Variants in SLX9 observed in about 807,000 individuals in gnomAD.
The protein encoded by SLX9 is ribosome biogenesis protein SLX9 homolog.
In SLX9, 19 loss-of-function variants were observed where a neutral mutation model predicts 20.8. The ratio of observed to expected loss-of-function variants is 0.91; its 90% CI spans 0.64 to 1.34. SLX9 has a LOEUF of 1.34. Among genes scored for constraint, SLX9 ranks in the 40% most tolerant of loss-of-function variants. The pLI, the probability that SLX9 is intolerant of heterozygous loss-of-function variation, is 0.00. For synonymous variants in SLX9, 113 were observed against 137.1 expected, an observed-to-expected ratio of 0.82 and a Z score of 1.23; for missense variants, 299 against 322.2, an observed-to-expected ratio of 0.93 and a Z score of 0.55.
Position 44,941,741 on chromosome 21 carries a change from G to C in SLX9, c.129+1555G>C, listed in dbSNP as rs192749488. Among the ~76,000 whole-genome samples the C allele has an allele frequency of 4.6e-5, 7 of 152,310 alleles. No individual in the cohort carries two copies. In the East Asian group the frequency reaches 1.2e-3, roughly 25 times the overall value. ...CATGCGCACAGCCTCCAGACTGCCA[G>C]GGATGCGACCTCCTGGGAGTTGTTC... On this transcript the variant is annotated intron_variant, in intron 1 of 5. Transcript: ENST00000291634.
intron 2 of SLX9, among the ~76,000 whole-genome samples, chr21:44,948,268 G>A (rs1388924751): frequency 2.7e-5 from 4 of 148,908 alleles, no homozygotes; most frequent in East Asian, 2.0e-4. Flanking sequence ...GTGAAGCATC[G>A]GGCGGTCCGG....
chr21:44,964,535 A>G (rs879861963), intron 3 of SLX9, among the ~76,000 whole-genome samples: 16 of 151,954 alleles, frequency 1.1e-4, no homozygotes, highest in African/African-American at 3.9e-4. Flanking sequence ...ATACCTCCCC[A>G]GTGCCCAGGT....
intron 5 of SLX9, among the ~76,000 whole-genome samples, chr21:44,974,200 T>G (rs1361338912): frequency 6.6e-6 from 1 of 152,156 alleles, no homozygotes; most frequent in African/African-American, 2.4e-5. Flanking sequence ...ATTTTTCCTG[T>G]GGTTTGAAAT....
intron 4 of SLX9, among the ~76,000 whole-genome samples, chr21:44,972,628 G>C (rs2085172503): frequency 6.6e-6 from 1 of 152,226 alleles, no homozygotes. Flanking sequence ...TCAGTCATCA[G>C]GAGGGCAGGT....
intron 1 of SLX9, among the ~76,000 whole-genome samples, chr21:44,942,472 C>T (rs1472967718): frequency 6.6e-6 from 1 of 152,184 alleles, no homozygotes; most frequent in Non-Finnish European, 1.5e-5. Flanking sequence ...GGTGAGAGCA[C>T]CTGGGGAGTT....
intron 1 of SLX9, among the ~76,000 whole-genome samples, chr21:44,941,087 C>T (rs1394510279): frequency 6.6e-6 from 1 of 151,796 alleles, no homozygotes; most frequent in African/African-American, 2.4e-5. Context: ...TCCTGTTCCT[C>T]CTCATTTTAA....
intron 2 of SLX9, among the ~76,000 whole-genome samples, chr21:44,949,632 C>T (rs532616900): frequency 6.6e-5 from 10 of 152,350 alleles, no homozygotes; most frequent in Non-Finnish European, 1.3e-4. Flanking sequence ...GCAGCCACTC[C>T]TGCCGCTTCT....
Position 44,971,072 on chromosome 21 carries a change from G to C in SLX9, c.501-2125G>C, listed in dbSNP as rs537594327. Among the ~76,000 whole-genome samples the C allele has an allele frequency of 1.1e-4, 17 of 152,406 alleles. No homozygotes were observed. The East Asian group carries it at 3.3e-3, about 29-fold the overall frequency. Reference sequence around the variant, plus strand: ...TTGACTCCGGTGACCCCCATGCTCTGGACCTCCACCTCCTGTGTGCGCTTT... The same window carrying C: ...TTGACTCCGGTGACCCCCATGCTCTCGACCTCCACCTCCTGTGTGCGCTTT... On this transcript the variant is annotated intron_variant, in intron 4 of 5. Transcript: ENST00000291634.
intron 3 of SLX9, among the ~76,000 whole-genome samples, chr21:44,966,743 G>A (rs8130435): frequency 0.078 from 11,928 of 152,268 alleles, 1,561 homozygotes; most frequent in African/African-American, 0.27. Flanking sequence ...TCCCCTACGC[G>A]TGCTCCGGCC....
At chr21:44,971,549 AC>A (rs1430433132) in intron 4 of SLX9, among the ~76,000 whole-genome samples, 1 of 151,892 alleles carries the variant, frequency 6.6e-6, no homozygotes, top group African/African-American at 2.4e-5. Flanking sequence ...CATTGGTCCC[AC>A]CCCCACTGCT....
At chr21:44,970,761 C>T (rs990947869) in intron 4 of SLX9, among the ~76,000 whole-genome samples, 1 of 152,196 alleles carries the variant, frequency 6.6e-6, no homozygotes, top group African/African-American at 2.4e-5. Flanking sequence ...AGCTCTGTCT[C>T]TCACTTCTCC....
chr21:44,942,816 G>A (rs762413580), intron 1 of SLX9, among the ~76,000 whole-genome samples: 25 of 152,154 alleles, frequency 1.6e-4, no homozygotes, highest in Non-Finnish European at 3.1e-4. Context: ...TGTTCACCAG[G>A]TGTGTCTGTA....
At chr21:44,941,533 T>C (rs2084548636) in intron 1 of SLX9, among the ~76,000 whole-genome samples, 1 of 152,044 alleles carries the variant, frequency 6.6e-6, no homozygotes, top group African/African-American at 2.4e-5. Flanking sequence ...TCAGCAATTG[T>C]TCTTAAAGCC....
At chr21:44,976,658 T>A (rs2085269088) in intron 5 of SLX9, 22 bp from the exon 6 acceptor site, 1 of 1,575,240 alleles carries the variant, frequency 6.3e-7, no homozygotes, top group South Asian at 1.2e-5. Flanking sequence ...TGCCTGCTGA[T>A]CTGTGGTCTC....
chr21:44,943,552 G>A (rs1424441435), intron 1 of SLX9, 132 bp from the exon 2 acceptor site: 3 of 1,257,850 alleles, frequency 2.4e-6, no homozygotes, highest in East Asian at 4.8e-5. Flanking sequence ...TTTCCCCCAG[G>A]TCCTCCCGGG....
chr21:44,969,393 A>G (rs2085101789), intron 4 of SLX9: 1 of 373,782 alleles, frequency 2.7e-6, no homozygotes, highest in Non-Finnish European at 5.6e-6. Flanking sequence ...CGCTCCCAGA[A>G]GGGAGAGGGC....
upstream of SLX9, chr21:44,939,906 C>G (rs2084505607): frequency 5.2e-6 from 4 of 762,228 alleles, no homozygotes; most frequent in Non-Finnish European, 7.7e-6. Flanking sequence ...CCACCCTACA[C>G]CCGCGACCCT....
At chr21:44,972,277 C>G (rs1028922092) in intron 4 of SLX9, among the ~76,000 whole-genome samples, 2 of 152,180 alleles carry the variant, frequency 1.3e-5, no homozygotes, top group African/African-American at 4.8e-5. Context: ...CCCATGTGAA[C>G]ATTCGGCCAG....
intron 4 of SLX9, among the ~76,000 whole-genome samples, chr21:44,971,430 G>T (rs947399489): frequency 6.6e-6 from 1 of 152,140 alleles, no homozygotes; most frequent in African/African-American, 2.4e-5. Flanking sequence ...GGTGTGGGAC[G>T]CGTGGGTGGG....
Sources: gnomAD v4.1 joint callset for allele counts (sites outside exome capture counted in the v4.1 genomes callset) on GRCh38, gnomAD v4.1.1 for gene constraint, MANE v1.5 for transcripts, NCBI Gene and HGNC (gene_info 2026-07-23, HGNC 2026-07-21) for gene names.